PBX1: variants seen among roughly 807,000 people sequenced by gnomAD.
PBX1 encodes the protein PBX homeobox 1, also known as pre-B-cell leukemia transcription factor 1.
A neutral mutation model predicts 53.4 loss-of-function variants in PBX1; 6 were observed. The observed-to-expected ratio is 0.11, with a 90% CI of 0.06 to 0.22. The LOEUF is 0.22. Ranked by LOEUF, PBX1 falls within the 10% of genes least tolerant of loss-of-function variation. PBX1 has a pLI of 1.00. For synonymous variants in PBX1, 204 were observed against 212.3 expected, an observed-to-expected ratio of 0.96 and a Z score of 0.34; for missense variants, 251 against 551.4, an observed-to-expected ratio of 0.46 and a Z score of 5.46.
At chr1:164,606,963 C>T (rs994222267) in intron 2 of PBX1, among the ~76,000 whole-genome samples, 1 of 152,096 alleles carries the variant, frequency 6.6e-6, no homozygotes, top group Admixed American at 6.5e-5. Context: ...TTCAAAGTGA[C>T]GTTGGAATGG....
intron 2 of PBX1, among the ~76,000 whole-genome samples, chr1:164,633,808 C>CT (rs1301935040): frequency 6.6e-6 from 1 of 152,208 alleles, no homozygotes; most frequent in East Asian, 1.9e-4. Flanking sequence ...GTAGTATCTA[C>CT]TTCATAGGTA....
intron 4 of PBX1, among the ~76,000 whole-genome samples, chr1:164,803,991 A>G (rs1366451290): frequency 6.6e-6 from 1 of 152,184 alleles, no homozygotes; most frequent in African/African-American, 2.4e-5. Flanking sequence ...AGCTATCATA[A>G]TGATTACTGT....
In PBX1 at chr1:164,711,177, G is replaced by A. The variant is rs529344123; in HGVS notation, c.266-81317G>A. Among the ~76,000 whole-genome samples, 7 of 152,320 alleles carry A rather than the reference G, an allele frequency of 4.6e-5. No homozygotes were observed. The South Asian group carries it at 1.5e-3, about 32-fold the overall frequency. ...CTGCTGACTTTGTACCAACAGCAGT[G>A]AACCAGGGCCTAGTTGTCAGCAACC... is the stretch of plus-strand genomic sequence containing the variant. On this transcript the variant is annotated intron_variant, in intron 2 of 8. Transcript: ENST00000420696.
intron 2 of PBX1, among the ~76,000 whole-genome samples, chr1:164,671,723 A>C (rs543457238): frequency 6.6e-6 from 1 of 152,202 alleles, no homozygotes; most frequent in African/African-American, 2.4e-5. Flanking sequence ...GGGGAGGTTA[A>C]GAGTAAGCAG....
At chr1:164,568,696 T>TA (rs776992554) in intron 2 of PBX1, among the ~76,000 whole-genome samples, 3 of 151,968 alleles carry the variant, frequency 2.0e-5, no homozygotes, top group Non-Finnish European at 4.4e-5. Context: ...TCTTTCAGGC[T>TA]AAAAAAAATG....
chr1:164,786,406 C>T (rs1415975050), intron 2 of PBX1, among the ~76,000 whole-genome samples: 2 of 152,122 alleles, frequency 1.3e-5, no homozygotes, highest in East Asian at 3.9e-4. Flanking sequence ...CGGCTCTTCT[C>T]GTCAGGGCAG....
intron 2 of PBX1, among the ~76,000 whole-genome samples, chr1:164,685,395 A>G (rs1662038627): frequency 6.6e-6 from 1 of 152,226 alleles, no homozygotes; most frequent in African/African-American, 2.4e-5. Flanking sequence ...CAGCTTATCA[A>G]AATGTCCCAG....
chr1:164,688,790 A>G (rs1364411024), intron 2 of PBX1, among the ~76,000 whole-genome samples: 1 of 152,218 alleles, frequency 6.6e-6, no homozygotes. Context: ...GATGTGGGCT[A>G]AGAAAAAAAT....
intron 2 of PBX1, chr1:164,590,394 G>C (rs542408167): frequency 2.4e-5 from 11 of 455,966 alleles, no homozygotes; most frequent in Admixed American, 7.0e-5. Context: ...CACTTGCACT[G>C]CTTGCTTCTT....
intron 2 of PBX1, among the ~76,000 whole-genome samples, chr1:164,582,424 C>CTT (rs939145375): frequency 4.2e-5 from 6 of 141,232 alleles, no homozygotes; most frequent in African/African-American, 7.7e-5. Context: ...TTCATAATTT[C>CTT]TTTTTTTTTT....
chr1:164,583,557 C>G (rs1159543553), intron 2 of PBX1, among the ~76,000 whole-genome samples: 1 of 152,088 alleles, frequency 6.6e-6, no homozygotes. Context: ...CATTGTGATT[C>G]TTGTGACTGG....
chr1:164,590,569 A>G, intron 2 of PBX1: 1 of 435,156 alleles, frequency 2.3e-6, no homozygotes. Flanking sequence ...CATTGTGACC[A>G]GGAGATCTAT....
intron 2 of PBX1, among the ~76,000 whole-genome samples, chr1:164,750,740 A>G (rs1259054632): frequency 1.3e-5 from 2 of 152,208 alleles, no homozygotes; most frequent in East Asian, 1.9e-4. Context: ...GCTAGAAAGT[A>G]CTATAAGAAC....
chr1:164,770,706 C>T (rs1441694396), intron 2 of PBX1: 1 of 152,186 alleles, frequency 6.6e-6, no homozygotes, highest in Non-Finnish European at 1.5e-5. Context: ...TTTCTGAAGC[C>T]AAGTCCCAGC....
chr1:164,671,986 C>A (rs1661142560), intron 2 of PBX1, among the ~76,000 whole-genome samples: 1 of 150,568 alleles, frequency 6.6e-6, no homozygotes, highest in Admixed American at 6.6e-5. Flanking sequence ...TAATTTGTTT[C>A]TTTTTATTTA....
chr1:164,581,549 T>G (rs1274932058), intron 2 of PBX1, among the ~76,000 whole-genome samples: 2 of 152,038 alleles, frequency 1.3e-5, no homozygotes, highest in East Asian at 3.9e-4. Context: ...AGTGGGTGTT[T>G]TCAGTTTTGA....
At chr1:164,878,628 G>A (rs368522621) in intron 2 of PBX1, among the ~76,000 whole-genome samples, 15 of 152,014 alleles carry the variant, frequency 9.9e-5, no homozygotes, top group African/African-American at 3.6e-4. Context: ...ATTTCAATAT[G>A]CAATGACATC....
chr1:164,844,386 C>T (rs1356586683), intron 8 of PBX1, among the ~76,000 whole-genome samples: 1 of 152,004 alleles, frequency 6.6e-6, no homozygotes, highest in Non-Finnish European at 1.5e-5. Flanking sequence ...GTCTGTCTAC[C>T]TACCTATCTA....
At chr1:164,566,230 C>A (rs1653424025) in intron 2 of PBX1, among the ~76,000 whole-genome samples, 1 of 151,980 alleles carries the variant, frequency 6.6e-6, no homozygotes, top group Non-Finnish European at 1.5e-5. Flanking sequence ...GTGTTTAAGT[C>A]AGAAATTACT....
Sources: gnomAD v4.1 joint callset for allele counts (sites outside exome capture counted in the v4.1 genomes callset) on GRCh38, gnomAD v4.1.1 for gene constraint, MANE v1.5 for transcripts, NCBI Gene and HGNC (gene_info 2026-07-23, HGNC 2026-07-21) for gene names.